MCPH1: variants seen among roughly 807,000 people sequenced by gnomAD.
MCPH1 encodes microcephalin 1.
In MCPH1, 104 loss-of-function variants were observed where a neutral mutation model predicts 84.5. That is an observed-to-expected ratio of 1.23 (90% CI 1.05 to 1.45). The LOEUF (loss-of-function observed/expected upper bound fraction) is 1.45, where lower values mean the gene tolerates loss of function less well. MCPH1 is among the 40% of genes most tolerant of loss of function. The probability of loss-of-function intolerance (pLI) is 0.00; values close to 1 mark genes in which losing one functional copy is unlikely to be tolerated. For missense variants in MCPH1, 1,498 were observed against 1,005.7 expected (o/e 1.49, Z -6.62); for synonymous variants, 514 against 366.8 (o/e 1.40, Z -4.58).
At chr8:6,604,606 G>C (rs997851126) in intron 12 of MCPH1, among the ~76,000 whole-genome samples, 1 of 152,256 alleles carries the variant, frequency 6.6e-6, no homozygotes, top group Non-Finnish European at 1.5e-5. Flanking sequence ...TCAGGCTCGA[G>C]TGATTCTCCT....
intron 12 of MCPH1, among the ~76,000 whole-genome samples, chr8:6,534,548 C>T (rs1401053279): frequency 6.6e-6 from 1 of 152,078 alleles, no homozygotes; most frequent in African/African-American, 2.4e-5. Context: ...GGACTACGAG[C>T]GTGAGCCAGC....
rs910758467 is a variant in MCPH1 at position 6,527,447 on chromosome 8, A to C, written c.2214+27518A>C. On this transcript the variant is annotated intron_variant, in intron 12 of 13. Coordinates refer to ENST00000344683, the MANE Select transcript of MCPH1 (RefSeq NM_024596.5). ...CCCTCATGAGGTTTCTGACCCTTAC[A>C]CTAGACATGAAGAAACTCACCATTC... The C allele has an allele frequency of 2.9e-6, 4 of 1,390,092 alleles. No individual in the cohort carries two copies. The East Asian group carries it at 7.2e-5, about 25-fold the overall frequency. 86.1% of individuals were successfully genotyped at this position (1,390,092 alleles called of 1,614,324 possible).
chr8:6,409,102 G>T (rs932613886), intron 1 of MCPH1, among the ~76,000 whole-genome samples, 177 bp from the exon 2 acceptor site: 2 of 152,072 alleles, frequency 1.3e-5, no homozygotes, highest in East Asian at 3.9e-4. Context: ...GGCCCGGCTG[G>T]TCTCAAACCC....
intron 12 of MCPH1, chr8:6,500,189 C>G: frequency 2.2e-6 from 1 of 461,604 alleles, no homozygotes; most frequent in Non-Finnish European, 4.0e-6. Flanking sequence ...CTGAGAAAAA[C>G]AAAAATGAAA....
At chr8:6,489,315 G>C (rs1323245803) in intron 11 of MCPH1, among the ~76,000 whole-genome samples, 1 of 152,074 alleles carries the variant, frequency 6.6e-6, no homozygotes, top group Non-Finnish European at 1.5e-5. Flanking sequence ...TCAGGGGGAA[G>C]GGGGAGGCAG....
At chr8:6,407,030 C>T (rs866484996) in intron 1 of MCPH1, 5 of 365,800 alleles carry the variant, frequency 1.4e-5, no homozygotes, top group Middle Eastern at 8.1e-4. Flanking sequence ...TCCCCCGCTG[C>T]CTGCTCCCTC....
In MCPH1 at chr8:6,566,479, C is replaced by T. The variant is rs183947050; in HGVS notation, c.2215-54975C>T. ...TTGACACTGTACGCCGTGCAGCGAC[C>T]GTGTGTGGTCAGCAAGGCCATGGAG... On this transcript the variant is annotated intron_variant, in intron 12 of 13. Coordinates refer to ENST00000344683, the MANE Select transcript of MCPH1 (RefSeq NM_024596.5). Among the ~76,000 whole-genome samples the T allele has an allele frequency of 3.9e-5, 6 of 152,344 alleles. No homozygotes were observed. In the East Asian group the frequency reaches 7.7e-4, roughly 20 times the overall value.
At chr8:6,435,843 T>C (rs191775268) in intron 4 of MCPH1, among the ~76,000 whole-genome samples, 7 of 152,370 alleles carry the variant, frequency 4.6e-5, no homozygotes, top group African/African-American at 1.7e-4. Context: ...GAGCCTTTTA[T>C]ACAGTCTTTT....
intron 12 of MCPH1, among the ~76,000 whole-genome samples, chr8:6,608,770 TTTGAGAACCACGGG>T (rs773683765): frequency 6.6e-6 from 1 of 152,188 alleles, no homozygotes; most frequent in Non-Finnish European, 1.5e-5. Context: ...AGCAGTCAAG[TTTGAGAACCACGGG>T]CATGGTAAAA....
At position 6,623,379 on chromosome 8, in the gene MCPH1, T is replaced by A. The variant is rs1808474; in HGVS notation, c.2452+1688T>A. 5.3e-5 allele frequency among the ~76,000 whole-genome samples: 8 copies of A among 152,080 alleles called. 1 individual carries two copies. The highest frequency in any genetic ancestry group is 1.9e-4 in the African/African-American group (8 of 41,472). ...ATCTCTCTCTCTCTCTCCTGTTCTC[T>A]CATTCTTTTTCTCTCTCTTTGCTTC... is the stretch of plus-strand genomic sequence containing the variant. On this transcript the variant is annotated intron_variant, in intron 13 of 13. Transcript: ENST00000344683.
intron 12 of MCPH1, among the ~76,000 whole-genome samples, chr8:6,555,743 A>G (rs769990726): frequency 6.6e-6 from 1 of 152,180 alleles, no homozygotes; most frequent in Admixed American, 6.5e-5. Context: ...GATTACAGGC[A>G]TGAGCCACTG....
chr8:6,406,708 C>T lies in MCPH1; in HGVS notation c.22+19C>T, dbSNP rs1358815690. ...CTGAAAGGTGAGGTACTTCCTGCTG[C>T]CTGCTCCAGCAGCGGGAGTTTGAGG... On this transcript the variant is annotated intron_variant, in intron 1 of 13. Coordinates refer to ENST00000344683, the MANE Select transcript of MCPH1 (RefSeq NM_024596.5). 1.2e-6 allele frequency: 2 copies of T among 1,611,698 alleles called. No homozygotes were observed. Among genetic ancestry groups the T allele is most frequent in the Non-Finnish European group, 1.7e-6 (2 of 1,179,322 alleles).
At chr8:6,565,102 G>A (rs1029206626) in intron 12 of MCPH1, among the ~76,000 whole-genome samples, 16 of 152,224 alleles carry the variant, frequency 1.1e-4, no homozygotes, top group African/African-American at 3.9e-4. Context: ...GATGAGACCT[G>A]TGTTAGAACC....
At chr8:6,592,628 T>C (rs1395944945) in intron 12 of MCPH1, among the ~76,000 whole-genome samples, 56 of 140,052 alleles carry the variant, frequency 4.0e-4, no homozygotes, top group Non-Finnish European at 6.2e-4. Flanking sequence ...TTTTTGTTTT[T>C]TTTTTTTTTT....
chr8:6,573,183 T>C (rs1194281138), intron 12 of MCPH1, among the ~76,000 whole-genome samples: 1 of 152,092 alleles, frequency 6.6e-6, no homozygotes, highest in African/African-American at 2.4e-5. Flanking sequence ...ACCCTGGACA[T>C]AAAGCATTTG....
chr8:6,419,152 GAC>G (rs1177481281), intron 3 of MCPH1, among the ~76,000 whole-genome samples: 1,442 of 59,342 alleles, frequency 0.024, 26 homozygotes, highest in African/African-American at 0.063. Context: ...CACACACACA[GAC>G]ACACACACAC....
chr8:6,415,270 A>G (rs1813104264), intron 3 of MCPH1, among the ~76,000 whole-genome samples: 1 of 146,196 alleles, frequency 6.8e-6, no homozygotes, highest in South Asian at 2.2e-4. Flanking sequence ...GTCCAGTATC[A>G]AGTTGTCAAC....
intron 13 of MCPH1, chr8:6,625,743 C>G (rs1374216643): frequency 1.0e-6 from 1 of 975,958 alleles, no homozygotes; most frequent in African/African-American, 1.8e-5. Context: ...ACGATCCCAC[C>G]ACTGTACTCC....
chr8:6,432,366 G>T (rs1219277668), intron 4 of MCPH1, among the ~76,000 whole-genome samples: 5 of 152,138 alleles, frequency 3.3e-5, no homozygotes, highest in Admixed American at 2.0e-4. Context: ...TTTAATTTGT[G>T]TTAAATTTTT....
Sources: gnomAD v4.1 joint callset for allele counts (sites outside exome capture counted in the v4.1 genomes callset) on GRCh38, gnomAD v4.1.1 for gene constraint, MANE v1.5 for transcripts, NCBI Gene and HGNC (gene_info 2026-07-23, HGNC 2026-07-21) for gene names.